Variants in CDCA2 observed in about 807,000 individuals in gnomAD.
CDCA2 encodes the protein cell division cycle-associated protein 2.
In CDCA2, 44 loss-of-function variants were observed where a neutral mutation model predicts 67.0. The ratio of observed to expected loss-of-function variants is 0.66; its 90% CI spans 0.52 to 0.84. CDCA2 has a LOEUF of 0.84. Ranked by LOEUF, CDCA2 falls within the 40% of genes least tolerant of loss-of-function variation. The pLI, the probability that CDCA2 is intolerant of heterozygous loss-of-function variation, is 0.00. For synonymous variants in CDCA2, 447 were observed against 418.7 expected (o/e 1.07, Z -0.82); for missense variants, 1,253 against 1,203.2 (o/e 1.04, Z -0.61).
intron 13 of CDCA2, among the ~76,000 whole-genome samples, chr8:25,502,258 T>C (rs1458609828): frequency 6.6e-6 from 1 of 152,200 alleles, no homozygotes; most frequent in African/African-American, 2.4e-5. Context: ...CATTGTCACA[T>C]TGAATATATT....
chr8:25,479,723 G>C (rs1803491589), intron 7 of CDCA2, 190 bp from the exon 8 acceptor site: 1 of 600,658 alleles, frequency 1.7e-6, no homozygotes, highest in Non-Finnish European at 2.9e-6. Flanking sequence ...GGTAAAAACT[G>C]ACCGATGCTG....
In CDCA2 at chr8:25,488,684, A is replaced by AGTCAG; in HGVS notation, c.1669_1671+2dup. The AGTCAG allele has an allele frequency of 6.2e-7, 1 of 1,603,818 alleles. No homozygotes were observed. On this transcript the variant is annotated frameshift_variant, in exon 13 of 15. Coordinates refer to ENST00000330560, the MANE Select transcript of CDCA2 (RefSeq NM_152562.4). LOFTEE classifies it high-confidence loss of function. The stretch of plus-strand genomic sequence containing the variant: ...TACAAAGAGAGCACTTCCTAAGAAG[A>AGTCAG]GTCAGGTAAGCATGTGTTTAAAGAT...
chr8:25,492,980 G>C (rs1397006119), intron 13 of CDCA2, among the ~76,000 whole-genome samples: 1 of 152,106 alleles, frequency 6.6e-6, no homozygotes, highest in Non-Finnish European at 1.5e-5. Flanking sequence ...ACTCTGTTTT[G>C]TTTGTGTGTT....
chr8:25,500,103 A>G (rs1025292041), intron 13 of CDCA2, among the ~76,000 whole-genome samples: 2 of 152,196 alleles, frequency 1.3e-5, no homozygotes, highest in Admixed American at 1.3e-4. Flanking sequence ...TAGTCTTTCA[A>G]TCATGTTGAG....
rs773111155 is a variant in CDCA2, at chr8:25,506,662, T to C, written c.1996T>C (p.Ser666Pro). ...TGAATTCTGCTCTTATATAAAAAGT[T>C]CCTCATCGCTTGGCAATGCTACTTC... ...VSEFCSYIKS[S>P]SSLGNATSDE... The change falls in exon 15 of 15, where the codon TCC (serine) becomes CCC (proline). Residue 666 changes from serine (S) to proline (P), a missense_variant. Coordinates refer to ENST00000330560, the MANE Select transcript of CDCA2 (RefSeq NM_152562.4). 1.2e-6 allele frequency: 2 copies of C among 1,613,458 alleles called. No individual in the cohort carries two copies. Among genetic ancestry groups the C allele is most frequent in the South Asian group, 2.2e-5 (2 of 90,806 alleles).
chr8:25,495,972 G>C (rs1310595040), intron 13 of CDCA2, among the ~76,000 whole-genome samples: 3 of 152,172 alleles, frequency 2.0e-5, no homozygotes, highest in African/African-American at 7.2e-5. Context: ...GAATTGTCCA[G>C]CTCTATCCAT....
chr8:25,488,523 C>T (rs370675130), intron 12 of CDCA2, 29 bp from the exon 13 acceptor site: 111 of 1,566,224 alleles, frequency 7.1e-5, no homozygotes, highest in African/African-American at 6.0e-4. Context: ...TTGTGCTTTA[C>T]GGTATCCTAC....
intron 13 of CDCA2, among the ~76,000 whole-genome samples, chr8:25,499,792 C>T (rs1211747546): frequency 3.9e-5 from 6 of 152,116 alleles, no homozygotes; most frequent in African/African-American, 7.2e-5. Flanking sequence ...TGTTCTTTGG[C>T]GATTCTAAGC....
intron 6 of CDCA2, 137 bp downstream of exon 6, chr8:25,468,550 T>TGTGTGC (rs1803022556): frequency 2.0e-6 from 1 of 500,522 alleles, no homozygotes; most frequent in South Asian, 3.3e-5. Flanking sequence ...TGTGTGTGTG[T>TGTGTGC]GTGTGTGCGT....
chr8:25,504,910 C>T (rs1384461235), intron 14 of CDCA2, among the ~76,000 whole-genome samples: 2 of 152,166 alleles, frequency 1.3e-5, no homozygotes, highest in Non-Finnish European at 2.9e-5. Flanking sequence ...GAAACTAAGT[C>T]TTATTTTCAT....
At chr8:25,480,926 G>A (rs535283590) in intron 8 of CDCA2, among the ~76,000 whole-genome samples, 1 of 152,250 alleles carries the variant, frequency 6.6e-6, no homozygotes, top group Non-Finnish European at 1.5e-5. Context: ...CATTAAATGG[G>A]ATAATATAAA....
At chr8:25,492,132 G>T (rs1166890851) in intron 13 of CDCA2, among the ~76,000 whole-genome samples, 11 of 133,932 alleles carry the variant, frequency 8.2e-5, no homozygotes, top group African/African-American at 3.2e-4. Context: ...GCAGCGGGGG[G>T]TTGGGGGGTC....
chr8:25,483,332 T>C (rs1803640254), intron 8 of CDCA2, 67 bp from the exon 9 acceptor site: 2 of 977,766 alleles, frequency 2.0e-6, no homozygotes, highest in African/African-American at 3.4e-5. Flanking sequence ...TCAAAACTGC[T>C]GTTCTTAATG....
At chr8:25,473,343 C>T (rs981495495) in intron 7 of CDCA2, among the ~76,000 whole-genome samples, 8 of 152,150 alleles carry the variant, frequency 5.3e-5, no homozygotes, top group Non-Finnish European at 1.0e-4. Flanking sequence ...CATTCTGTTC[C>T]TAGTCTGAGA....
At chr8:25,485,365 C>T (rs1803732177) in intron 10 of CDCA2, among the ~76,000 whole-genome samples, 1 of 151,940 alleles carries the variant, frequency 6.6e-6, no homozygotes, top group East Asian at 1.9e-4. Context: ...AAAAGATTTG[C>T]TATCTGTATT....
chr8:25,461,948 CAT>C lies in CDCA2; in HGVS notation c.233-105_233-104del, dbSNP rs1802706585. 6.3e-6 allele frequency: 7 copies of C among 1,107,946 alleles called. No homozygotes were observed. In the South Asian group the frequency reaches 7.4e-5, roughly 12 times the overall value. The allele number at this position is 1,107,946 out of a possible 1,614,324, so 68.6% of individuals were successfully genotyped here. ...ACTCTCCACTGAGTTTTTTGTAGCA[CAT>C]GTTTATCATGTTTTCTCTCTCAGGC... On this transcript the variant is annotated intron_variant, in intron 3 of 14. Coordinates refer to ENST00000330560, the MANE Select transcript of CDCA2 (RefSeq NM_152562.4).
intron 7 of CDCA2, among the ~76,000 whole-genome samples, chr8:25,479,071 C>T (rs1172140417): frequency 6.6e-6 from 1 of 152,088 alleles, no homozygotes; most frequent in Non-Finnish European, 1.5e-5. Flanking sequence ...TTGCTACAAT[C>T]CACCAACTTG....
At chr8:25,481,690 CA>C (rs951494430) in intron 8 of CDCA2, among the ~76,000 whole-genome samples, 5 of 148,150 alleles carry the variant, frequency 3.4e-5, no homozygotes, top group African/African-American at 9.9e-5. Context: ...ACTCCATCTC[CA>C]AAAAAAAAGA....
intron 4 of CDCA2, among the ~76,000 whole-genome samples, chr8:25,462,445 G>A (rs1802732675): frequency 7.1e-6 from 1 of 141,162 alleles, no homozygotes. Context: ...TGGCCAACAT[G>A]GTGAAACCCC....
Sources: gnomAD v4.1 joint callset for allele counts (sites outside exome capture counted in the v4.1 genomes callset) on GRCh38, gnomAD v4.1.1 for gene constraint, MANE v1.5 for transcripts, NCBI Gene and HGNC (gene_info 2026-07-23, HGNC 2026-07-21) for gene names.